CLK1: variants seen among roughly 807,000 people sequenced by gnomAD.
CLK1 encodes the protein dual specificity protein kinase CLK1.
In CLK1, 40 loss-of-function variants were observed where a neutral mutation model predicts 60.9. That is an observed-to-expected ratio of 0.66 (90% confidence interval 0.51 to 0.86). The LOEUF (loss-of-function observed/expected upper bound fraction) is 0.86. Among genes scored for constraint, CLK1 ranks in the 40% least tolerant of loss-of-function variants. The pLI is 0.00. For synonymous variants in CLK1, 203 were observed against 184.4 expected (o/e 1.10, Z -0.82); for missense variants, 563 against 606.1 (o/e 0.93, Z 0.75).
chr2:200,864,521 A>T, intron 1 of CLK1, 43 bp downstream of exon 1: 1 of 403,806 alleles, frequency 2.5e-6, no homozygotes, highest in Non-Finnish European at 4.5e-6. Flanking sequence ...CGAGGCTCAC[A>T]GGAACGGCCC....
chr2:200,859,935 GA>G, intron 4 of CLK1, 189 bp from the exon 5 acceptor site: 1 of 1,427,022 alleles, frequency 7.0e-7, no homozygotes, highest in South Asian at 1.6e-5. Context: ...TACTGTTCTG[GA>G]AGTTCTATAT....
intron 1 of CLK1, chr2:200,864,027 G>A: frequency 6.9e-7 from 1 of 1,453,072 alleles, no homozygotes; most frequent in Admixed American, 2.5e-5. Flanking sequence ...AGCCACTCGC[G>A]ATGTTTACGC....
At chr2:200,863,483 A>G (rs2039176179) in intron 1 of CLK1, among the ~76,000 whole-genome samples, 1 of 152,126 alleles carries the variant, frequency 6.6e-6, no homozygotes, top group Non-Finnish European at 1.5e-5. Flanking sequence ...ACCTGAGCCC[A>G]GATGTCGAAG....
chr2:200,854,107 G>C (rs1317568642), intron 11 of CLK1, 114 bp from the exon 12 acceptor site: 1 of 631,950 alleles, frequency 1.6e-6, no homozygotes, highest in Admixed American at 3.2e-5. Context: ...TTAAATGGCA[G>C]CCATGGGATA....
rs556070007 is a variant in CLK1 at position 200,857,335 on chromosome 2, C to T, written c.833-350G>A. 8.3e-5 allele frequency: 22 copies of T among 264,436 alleles called. No homozygotes were observed. The South Asian group carries it at 1.6e-3, about 19-fold the overall frequency. The allele number at this position is 264,436 out of a possible 1,614,324, so 16.4% of individuals were successfully genotyped here. ...AACAAAAAAACCCAACAAAAAACCT[C>T]TGATTCCTTTCCCAAAGAATGGTCA... On this transcript the variant is annotated intron_variant, in intron 7 of 12. Coordinates refer to ENST00000321356, the MANE Select transcript of CLK1 (RefSeq NM_004071.4).
chr2:200,859,852 C>G, intron 4 of CLK1, 106 bp from the exon 5 acceptor site: 1 of 1,516,512 alleles, frequency 6.6e-7, no homozygotes, highest in Non-Finnish European at 8.8e-7. Context: ...TACAAATTTC[C>G]TTATCACTAG....
intron 3 of CLK1, 104 bp downstream of exon 3, chr2:200,861,134 T>A: frequency 2.0e-6 from 3 of 1,517,566 alleles, no homozygotes; most frequent in Non-Finnish European, 1.8e-6. Flanking sequence ...AAAACTGAGA[T>A]GATTTCATCT....
chr2:200,857,356 G>T, intron 7 of CLK1: 1 of 259,122 alleles, frequency 3.9e-6, no homozygotes, highest in East Asian at 8.2e-5. Flanking sequence ...CCCAAAGAAT[G>T]GTCAACATTC....
rs142397443 is a variant in CLK1, at chr2:200,858,273, A to G, written c.549-184T>C. 878 of 590,202 alleles carry G rather than the reference A, an allele frequency of 1.5e-3. 6 individuals carry two copies. Among genetic ancestry groups the G allele is most frequent in the African/African-American group, 0.015 (780 of 53,748 alleles). The allele number at this position is 590,202 out of a possible 1,614,324, so 36.6% of individuals were successfully genotyped here. ...TTTCTTTCATCAAACCACCACTCAC[A>G]TGAGTTATTTTTTGGTATTTCAGCT... On this transcript the variant is annotated intron_variant, in intron 5 of 12. Transcript: ENST00000321356.
intron 1 of CLK1, among the ~76,000 whole-genome samples, chr2:200,862,785 CAG>C (rs1404657536): frequency 1.3e-4 from 20 of 152,350 alleles, no homozygotes; most frequent in African/African-American, 3.6e-4. Flanking sequence ...CAAACGTAAT[CAG>C]AGTTATATCT....
intron 3 of CLK1, 184 bp downstream of exon 3, chr2:200,861,054 G>T: frequency 7.2e-7 from 1 of 1,397,626 alleles, no homozygotes; most frequent in Non-Finnish European, 9.2e-7. Context: ...TTAAATTATA[G>T]AACTAAATGT....
chr2:200,853,679 G>GAAAAAAAAAAAAAAA (rs34449560), intron 12 of CLK1, among the ~76,000 whole-genome samples: 1 of 49,130 alleles, frequency 2.0e-5, no homozygotes, highest in African/African-American at 9.0e-5. Flanking sequence ...GTCTTTACTT[G>GAAAAAAAAAAAAAAA]AAAAAAAAAA....
At chr2:200,863,109 C>T (rs1575082535) in intron 1 of CLK1, 1 of 152,138 alleles carries the variant, frequency 6.6e-6, no homozygotes, top group East Asian at 1.9e-4. Flanking sequence ...TTCTTTCTTA[C>T]CGGCGGGACC....
intron 1 of CLK1, among the ~76,000 whole-genome samples, chr2:200,862,994 T>C (rs552332971): frequency 4.6e-5 from 7 of 152,364 alleles, no homozygotes; most frequent in African/African-American, 1.7e-4. Flanking sequence ...TTTTTGGGAA[T>C]GGTAGGAGCC....
Position 200,861,242 on chromosome 2 carries a change from T to C in CLK1, c.386A>G (p.His129Arg), listed in dbSNP as rs1217843491. The C allele has an allele frequency of 1.2e-6, 2 of 1,614,068 alleles. No individual in the cohort carries two copies. The highest frequency in any genetic ancestry group is 1.7e-6 in the Non-Finnish European group (2 of 1,179,948). The change falls in exon 3 of 13, where the codon CAT becomes CGT. Residue 129 changes from histidine to arginine, a missense_variant. This residue lies in a region of CLK1 where 198 missense variants were observed against 179.2 expected (regional missense o/e 1.10). Coordinates refer to ENST00000321356, the MANE Select transcript of CLK1 (RefSeq NM_004071.4). Reference sequence around the variant, plus strand: ...ATGTTTTAAAAACGTTCATACCCCATGTGAACGACGATGTGAAGTACTGTG... The same window carrying C: ...ATGTTTTAAAAACGTTCATACCCCACGTGAACGACGATGTGAAGTACTGTG... ...IHHSTSHRRSHGKSHRRKRTR... is the reference protein window; with the variant it reads ...IHHSTSHRRSRGKSHRRKRTR...
Position 200,853,992 on chromosome 2 carries a change from T to C in CLK1, c.1222A>G (p.Lys408Glu). The change falls in exon 12 of 13, where the codon AAA becomes GAA. Residue 408 changes from lysine (K) to glutamate (E), a missense_variant and splice_region_variant. Coordinates refer to ENST00000321356, the MANE Select transcript of CLK1 (RefSeq NM_004071.4). Reference protein sequence around the residue: ...LPKHMIQKTRKRKYFHHDRLD... With the variant: ...LPKHMIQKTRERKYFHHDRLD... ...CGATCGTGGTGAAAATATTTACGTTTCCTAAAAATAAGTCAATATCCATTC... is the reference window on the plus strand; with the variant it reads ...CGATCGTGGTGAAAATATTTACGTTCCCTAAAAATAAGTCAATATCCATTC... The C allele has an allele frequency of 6.2e-7, 1 of 1,606,506 alleles. No individual in the cohort carries two copies. The highest frequency in any genetic ancestry group is 1.1e-5 in the South Asian group (1 of 90,276).
intron 1 of CLK1, 89 bp from the exon 2 acceptor site, chr2:200,861,951 C>T: frequency 1.0e-6 from 1 of 1,003,956 alleles, no homozygotes; most frequent in East Asian, 2.5e-5. Context: ...CTCGTGACCT[C>T]GTTTTAAGAC....
Position 200,857,733 on chromosome 2 carries a change from A to G in CLK1, c.817T>C (p.Cys273Arg), listed in dbSNP as rs1160769101. Reference protein sequence around the residue: ...DHIRKMAYQICKSVNFLHSNK... With the variant: ...DHIRKMAYQIRKSVNFLHSNK... ...AAGAACTTACAATTCACAGACTTGC[A>G]TATCTGATATGCCATCTTTCTGATA... Residue 273 changes from cysteine to arginine, a missense_variant, in exon 7 of 13, where the codon TGC (cysteine) becomes CGC (arginine). Transcript: ENST00000321356. The G allele has an allele frequency of 6.3e-7, 1 of 1,598,834 alleles. No individual in the cohort carries two copies. Among genetic ancestry groups the G allele is most frequent in the Admixed American group, 1.8e-5 (1 of 57,114 alleles).
intron 1 of CLK1, chr2:200,863,974 T>G: frequency 9.2e-7 from 1 of 1,089,972 alleles, no homozygotes; most frequent in Non-Finnish European, 1.2e-6. Flanking sequence ...TTCTCTTTCC[T>G]TGGGTTCCTA....
Sources: allele counts gnomAD v4.1 joint callset (sites outside exome capture counted in the v4.1 genomes callset), GRCh38; gene constraint gnomAD v4.1.1; regional missense constraint gnomAD v4.1.1; transcripts MANE v1.5; gene names NCBI Gene and HGNC (gene_info 2026-07-23, HGNC 2026-07-21).